The following TMEM230 variants were observed in gnomAD, a reference collection of about 807,000 sequenced individuals.
TMEM230 encodes transmembrane protein 230.
A neutral mutation model predicts 15.8 loss-of-function variants in TMEM230; 10 were observed. That is an observed-to-expected ratio of 0.63 (90% CI 0.39 to 1.07). The LOEUF (loss-of-function observed/expected upper bound fraction) is 1.07, where lower values mean the gene tolerates loss of function less well. Among genes scored for constraint, TMEM230 ranks in the 50% least tolerant of loss-of-function variants. The pLI is 0.01. For missense variants in TMEM230, 165 were observed against 193.3 expected (o/e 0.85, Z 0.87); for synonymous variants, 67 against 76.9 (o/e 0.87, Z 0.68).
chr20:5,099,705 T>C (rs561773123), downstream of TMEM230: 159 of 293,458 alleles, frequency 5.4e-4, no homozygotes, highest in Non-Finnish European at 6.8e-4. Context: ...GCTGATGGCA[T>C]GTCCAGGCTT....
At chr20:5,060,219 C>A in the TMEM230 span, among the ~76,000 whole-genome samples, 1 of 151,112 alleles carries the variant, frequency 6.6e-6, no homozygotes, top group African/African-American at 2.5e-5. Context: ...GCCCTGTTAC[C>A]TTACCTTTTA....
chr20:5,094,822 G>A (rs961215752), intron 3 of TMEM230, among the ~76,000 whole-genome samples: 1 of 151,542 alleles, frequency 6.6e-6, no homozygotes, highest in African/African-American at 2.4e-5. Context: ...ACAGTTGCTC[G>A]CCACCATGCC....
downstream of TMEM230, among the ~76,000 whole-genome samples, chr20:5,095,580 C>T (rs6053107): frequency 0.046 from 6,988 of 152,154 alleles, 495 homozygotes; most frequent in African/African-American, 0.16. Flanking sequence ...CAGACTATAC[C>T]CTCTAAGTGC....
chr20:5,084,824 G>A (rs2089290469), intron 3 of TMEM230, among the ~76,000 whole-genome samples: 1 of 152,204 alleles, frequency 6.6e-6, no homozygotes, highest in African/African-American at 2.4e-5. Flanking sequence ...GTGAGCCACT[G>A]CGTCTGGCCC....
At chr20:5,068,418 T>C (rs1407390480), downstream of TMEM230, 1 of 152,402 alleles carries the variant, frequency 6.6e-6, no homozygotes, top group South Asian at 2.1e-4. Flanking sequence ...CAGTTCTGCA[T>C]TGCCAGGGAG....
At chr20:5,084,600 T>C (rs2089282523) in intron 3 of TMEM230, among the ~76,000 whole-genome samples, 1 of 152,108 alleles carries the variant, frequency 6.6e-6, no homozygotes, top group Non-Finnish European at 1.5e-5. Context: ...AGTGGCGCAA[T>C]CTCTGCTCAC....
At chr20:5,082,117 C>T (rs1023423941) in intron 3 of TMEM230, among the ~76,000 whole-genome samples, 2 of 151,888 alleles carry the variant, frequency 1.3e-5, no homozygotes, top group South Asian at 4.2e-4. Flanking sequence ...AAATAGCTGA[C>T]CTCAGGTGGT....
chr20:5,112,610 A>G lies in TMEM230; in HGVS notation c.68+351T>C, dbSNP rs1213169538. ...CAAAGTATCAGTCTTCGTTGCCAAC[A>G]GGCTTTTTACCAGCTCACCGCTACC... On this transcript the variant is annotated intron_variant, in intron 1 of 4. Coordinates refer to ENST00000342308, the MANE Select transcript of TMEM230 (RefSeq NM_001009923.2). 3 of 1,056,220 alleles carry G rather than the reference A, an allele frequency of 2.8e-6. No individual in the cohort carries two copies. In the East Asian group the frequency reaches 1.3e-4, roughly 46 times the overall value. The allele number at this position is 1,056,220 out of a possible 1,614,324, so 65.4% of individuals were successfully genotyped here. A position where few individuals can be genotyped will look rare whatever the true frequency, so the allele number is the denominator to read the frequency against.
At chr20:5,096,270 A>G (rs1396951731), downstream of TMEM230, among the ~76,000 whole-genome samples, 1 of 152,200 alleles carries the variant, frequency 6.6e-6, no homozygotes, top group Non-Finnish European at 1.5e-5. Context: ...CTCAAACAGC[A>G]GCTTACTTTG....
downstream of TMEM230, among the ~76,000 whole-genome samples, chr20:5,095,128 G>C (rs6053105): frequency 1.3e-5 from 2 of 152,192 alleles, no homozygotes; most frequent in African/African-American, 4.8e-5. Flanking sequence ...CCCTCTGGAA[G>C]GATTAGCATC....
chr20:5,080,091 A>C (rs1195209765), intron 3 of TMEM230, among the ~76,000 whole-genome samples: 1 of 152,210 alleles, frequency 6.6e-6, no homozygotes, highest in Non-Finnish European at 1.5e-5. Context: ...TTTTATAGTT[A>C]TTGTGAATGA....
intron 3 of TMEM230, among the ~76,000 whole-genome samples, chr20:5,092,075 G>A (rs6038067): frequency 7.2e-5 from 11 of 151,950 alleles, no homozygotes; most frequent in Admixed American, 5.9e-4. Context: ...TGTGACTTTC[G>A]AGACTTTGTG....
chr20:5,095,472 A>G (rs943743047), downstream of TMEM230, among the ~76,000 whole-genome samples: 5 of 152,188 alleles, frequency 3.3e-5, no homozygotes, highest in African/African-American at 9.7e-5. Context: ...TGATCTTCAC[A>G]AAGTCTTCCT....
At chr20:5,090,173 C>A (rs1269511441) in intron 3 of TMEM230, among the ~76,000 whole-genome samples, 1 of 151,926 alleles carries the variant, frequency 6.6e-6, no homozygotes. Flanking sequence ...AAATAGGAAA[C>A]CAAGGTATGA....
intron 3 of TMEM230, among the ~76,000 whole-genome samples, chr20:5,093,607 G>A (rs2089576275): frequency 6.6e-6 from 1 of 151,926 alleles, no homozygotes; most frequent in Non-Finnish European, 1.5e-5. Flanking sequence ...CACCATCTCG[G>A]CTCACTGCAA....
chr20:5,096,730 T>C (rs561957050), downstream of TMEM230, among the ~76,000 whole-genome samples: 2 of 152,216 alleles, frequency 1.3e-5, no homozygotes, highest in East Asian at 3.9e-4. Flanking sequence ...GGAAGGCCAT[T>C]TAGGAGTCTG....
intron 3 of TMEM230, among the ~76,000 whole-genome samples, chr20:5,093,450 A>G (rs2089569002): frequency 6.6e-6 from 1 of 152,142 alleles, no homozygotes; most frequent in Non-Finnish European, 1.5e-5. Context: ...CATGTTGCCC[A>G]GGCTGGTCTT....
At chr20:5,087,991 C>T (rs2089397937) in intron 3 of TMEM230, among the ~76,000 whole-genome samples, 1 of 122,646 alleles carries the variant, frequency 8.2e-6, no homozygotes, top group South Asian at 3.6e-4. Flanking sequence ...CCACACCCAG[C>T]CAGGATATAC....
exon 4 of TMEM230, chr20:5,068,989 A>AG (rs1303337670): frequency 1.8e-6 from 1 of 545,232 alleles, no homozygotes; most frequent in Non-Finnish European, 3.2e-6. Flanking sequence ...GGAGTTGCAT[A>AG]GGGGGTAGAG....
Sources: gnomAD v4.1 joint callset for allele counts (sites outside exome capture counted in the v4.1 genomes callset) on GRCh38, gnomAD v4.1.1 for gene constraint, MANE v1.5 for transcripts, NCBI Gene and HGNC (gene_info 2026-07-23, HGNC 2026-07-21) for gene names.